DPM1: variants seen among roughly 807,000 people sequenced by gnomAD.
The protein encoded by DPM1 is dolichol-phosphate mannosyltransferase subunit 1.
A neutral mutation model predicts 39.0 loss-of-function variants in DPM1; 27 were observed. The observed-to-expected ratio is 0.69, with a 90% CI of 0.51 to 0.95. DPM1 has a LOEUF of 0.95. DPM1 is among the 40% of genes least tolerant of loss of function. The pLI is 0.00. For missense variants in DPM1, 307 were observed against 315.6 expected (o/e 0.97, Z 0.21); for synonymous variants, 124 against 109.0 (o/e 1.14, Z -0.86).
chr20:50,935,616 T>C (rs1985082579), intron 8 of DPM1, among the ~76,000 whole-genome samples: 1 of 152,226 alleles, frequency 6.6e-6, no homozygotes, highest in Non-Finnish European at 1.5e-5. Flanking sequence ...GTAAAATAGC[T>C]TGTAACTTCC....
intron 7 of DPM1, among the ~76,000 whole-genome samples, chr20:50,939,762 C>T (rs568406207): frequency 3.9e-5 from 6 of 152,208 alleles, no homozygotes; most frequent in African/African-American, 7.2e-5. Context: ...TACAAGCGTA[C>T]GCCACCATAC....
intron 7 of DPM1, among the ~76,000 whole-genome samples, chr20:50,940,565 A>C (rs1985641814): frequency 6.6e-6 from 1 of 152,246 alleles, no homozygotes; most frequent in Non-Finnish European, 1.5e-5. Flanking sequence ...CAGAAAATTA[A>C]GTACATGCTA....
At chr20:50,945,284 TTG>T (rs11474633) in intron 5 of DPM1, 3,303 of 157,022 alleles carry the variant, frequency 0.021, 41 homozygotes, top group African/African-American at 0.031. Flanking sequence ...CAAATGTGTG[TTG>T]TGTGTGTGTG....
intron 7 of DPM1, among the ~76,000 whole-genome samples, chr20:50,939,259 A>G (rs1166774585): frequency 1.3e-5 from 2 of 152,172 alleles, no homozygotes; most frequent in African/African-American, 2.4e-5. Context: ...AAAACCATCA[A>G]AACTGTGGCC....
At chr20:50,957,694 T>C (rs1281175561) in intron 1 of DPM1, among the ~76,000 whole-genome samples, 2 of 152,256 alleles carry the variant, frequency 1.3e-5, no homozygotes, top group Non-Finnish European at 2.9e-5. Context: ...AGAAAAAGTC[T>C]TCAAAGATTT....
At chr20:50,938,107 G>A (rs1347166536) in intron 7 of DPM1, among the ~76,000 whole-genome samples, 1 of 152,028 alleles carries the variant, frequency 6.6e-6, no homozygotes, top group Non-Finnish European at 1.5e-5. Flanking sequence ...CCATCCACAT[G>A]GTAACTTTAA....
intron 5 of DPM1, among the ~76,000 whole-genome samples, chr20:50,945,377 G>A (rs953481025): frequency 7.9e-5 from 12 of 151,840 alleles, no homozygotes; most frequent in African/African-American, 2.2e-4. Flanking sequence ...CTGTCTCAGG[G>A]TCACCAAGAC....
In DPM1 at chr20:50,945,878, A is replaced by C. The variant is rs1435858373; in HGVS notation, c.341T>G (p.Ile114Ser). ...HGMKHATGNYIIIMDADLSHH... is the reference protein window; with the variant it reads ...HGMKHATGNYSIIMDADLSHH... ...TGAGAGATCAGCATCCATAATAATG[A>C]TGTAGTTTCCTGTGGCATGTTTCAT... The change falls in exon 4 of 9, where the codon ATC becomes AGC. Residue 114 changes from isoleucine to serine, a missense_variant. Transcript: ENST00000371588. The C allele has an allele frequency of 1.2e-6, 2 of 1,613,674 alleles. No homozygotes were observed. Among genetic ancestry groups the C allele is most frequent in the South Asian group, 2.2e-5 (2 of 91,080 alleles).
intron 1 of DPM1, among the ~76,000 whole-genome samples, chr20:50,957,392 G>A (rs1454272066): frequency 6.6e-6 from 1 of 152,144 alleles, no homozygotes; most frequent in Admixed American, 6.5e-5. Context: ...ATCCTACCTC[G>A]AAGAATTTAT....
chr20:50,942,980 C>G (rs1985979644), intron 5 of DPM1, among the ~76,000 whole-genome samples: 1 of 152,160 alleles, frequency 6.6e-6, no homozygotes, highest in South Asian at 2.1e-4. Flanking sequence ...GAGTTTGTGA[C>G]TAGCCTGGCC....
chr20:50,945,638 ATG>A, intron 5 of DPM1, 97 bp downstream of exon 5: 1 of 1,118,696 alleles, frequency 8.9e-7, no homozygotes, highest in Non-Finnish European at 1.3e-6. Flanking sequence ...AAAAAATAGT[ATG>A]TGTATTTTTG....
In DPM1 at chr20:50,939,202, A is replaced by G. The variant is rs529927708; in HGVS notation, c.563+1663T>C. ...CTCTCCCTGCTGTGTTTTTCTTCACAGCCTCTATCTTCACAACTAGTTACC... is the reference window on the plus strand; with the variant it reads ...CTCTCCCTGCTGTGTTTTTCTTCACGGCCTCTATCTTCACAACTAGTTACC... On this transcript the variant is annotated intron_variant, in intron 7 of 8. Transcript: ENST00000371588. Among the ~76,000 whole-genome samples, 513 of 152,130 alleles carry G rather than the reference A, an allele frequency of 3.4e-3. 3 individuals are homozygous for G. Among genetic ancestry groups the G allele is most frequent in the South Asian group, 8.5e-3 (41 of 4,816 alleles).
intron 2 of DPM1, among the ~76,000 whole-genome samples, chr20:50,952,969 A>G (rs1190916512): frequency 6.6e-6 from 1 of 152,224 alleles, no homozygotes; most frequent in African/African-American, 2.4e-5. Context: ...ACTTGCCCCC[A>G]AGGGTAACTA....
At chr20:50,938,047 T>G (rs1385677818) in intron 7 of DPM1, among the ~76,000 whole-genome samples, 1 of 152,158 alleles carries the variant, frequency 6.6e-6, no homozygotes, top group South Asian at 2.1e-4. Context: ...TTTATTCCCC[T>G]TAAGAATCAT....
chr20:50,955,292 A>T lies in DPM1; in HGVS notation c.162-7T>A, dbSNP rs200223569. On this transcript the variant is annotated splice_polypyrimidine_tract_variant and splice_region_variant and intron_variant, in intron 1 of 8. Coordinates refer to ENST00000371588, the MANE Select transcript of DPM1 (RefSeq NM_003859.3). ...AATTTCATAGTTGATTCCACTAAAA[A>T]AATTAAATTTGTATTAATGACTGAT... 6.3e-7 allele frequency: 1 copy of T among 1,597,966 alleles called. No individual in the cohort carries two copies. Among genetic ancestry groups the T allele is most frequent in the East Asian group, 2.2e-5 (1 of 44,716 alleles).
chr20:50,956,486 A>G (rs1601061407), intron 1 of DPM1, among the ~76,000 whole-genome samples: 1 of 151,338 alleles, frequency 6.6e-6, no homozygotes, highest in African/African-American at 2.4e-5. Context: ...AGATGGCGCC[A>G]CCGCACTCCA....
rs184392437 is a variant in DPM1 at position 50,944,744 on chromosome 20, T to C, written c.398+993A>G. Reference sequence around the variant, plus strand: ...CAAAATCTTATTCACAGAGGTTTTGTGGTCTTTTGGGCTAAGAATTTAATT... The same window carrying C: ...CAAAATCTTATTCACAGAGGTTTTGCGGTCTTTTGGGCTAAGAATTTAATT... On this transcript the variant is annotated intron_variant, in intron 5 of 8. Coordinates refer to ENST00000371588, the MANE Select transcript of DPM1 (RefSeq NM_003859.3). 3.3e-5 allele frequency: 5 copies of C among 152,336 alleles called. No homozygotes were observed. The East Asian group carries it at 9.6e-4, about 29-fold the overall frequency. The allele number at this position is 152,336 out of a possible 1,614,324, so 9.4% of individuals were successfully genotyped here.
At chr20:50,949,032 C>T (rs1347234792) in intron 2 of DPM1, among the ~76,000 whole-genome samples, 3 of 151,790 alleles carry the variant, frequency 2.0e-5, no homozygotes, top group Non-Finnish European at 2.9e-5. Flanking sequence ...GGCTAATTTT[C>T]GTATTTTTAG....
Position 50,941,814 on chromosome 20 carries a change from C to T in DPM1, c.494+217G>A, listed in dbSNP as rs181075689. Reference sequence around the variant, plus strand: ...TAACTTTTGCTGAATGAGACCATTTCTACCAAAGGTCCAAAGGTTTATGCT... The same window carrying T: ...TAACTTTTGCTGAATGAGACCATTTTTACCAAAGGTCCAAAGGTTTATGCT... On this transcript the variant is annotated intron_variant, in intron 6 of 8. Transcript: ENST00000371588. 4.4e-3 allele frequency among the ~76,000 whole-genome samples: 676 copies of T among 152,282 alleles called. 5 individuals are homozygous for T. The highest frequency in any genetic ancestry group is 0.013 in the African/African-American group (556 of 41,564).
Sources: gnomAD v4.1 joint callset for allele counts (sites outside exome capture counted in the v4.1 genomes callset) on GRCh38, gnomAD v4.1.1 for gene constraint, MANE v1.5 for transcripts, NCBI Gene and HGNC (gene_info 2026-07-23, HGNC 2026-07-21) for gene names.